The following ACOT8 variants were observed in gnomAD, a reference collection of about 807,000 sequenced individuals.
ACOT8 encodes acyl-coenzyme A thioesterase 8.
In ACOT8, 31 loss-of-function variants were observed where a neutral mutation model predicts 38.4. That is an observed-to-expected ratio of 0.81 (90% CI 0.61 to 1.09). The LOEUF is 1.09. Among genes scored for constraint, ACOT8 ranks in the 50% least tolerant of loss-of-function variants. ACOT8 has a pLI of 0.00. For missense variants in ACOT8, 373 were observed against 421.8 expected, an observed-to-expected ratio of 0.88 and a Z score of 1.01; for synonymous variants, 158 against 170.3, an observed-to-expected ratio of 0.93 and a Z score of 0.56.
At chr20:45,850,297 C>T (rs886886377) in intron 2 of ACOT8, among the ~76,000 whole-genome samples, 16 of 152,316 alleles carry the variant, frequency 1.1e-4, no homozygotes, top group African/African-American at 3.6e-4. Context: ...ACATATTTGG[C>T]TTTCTCCGGT....
At chr20:45,850,026 T>G (rs886518898) in intron 2 of ACOT8, among the ~76,000 whole-genome samples, 1 of 152,036 alleles carries the variant, frequency 6.6e-6, no homozygotes, top group African/African-American at 2.4e-5. Flanking sequence ...CTGGCCAACA[T>G]GGCAAAACCC....
At chr20:45,853,991 G>T in intron 2 of ACOT8, 4 of 1,301,662 alleles carry the variant, frequency 3.1e-6, no homozygotes, top group Non-Finnish European at 4.0e-6. Flanking sequence ...TGCTCTGGGG[G>T]TAACAGGGAA....
rs1219708591 is a variant in ACOT8 at position 45,843,367 on chromosome 20, C to A, written c.841+160G>T. ...GAGCAGAGCAGGTGTCCCGGCCTCA[C>A]CCTCTCATTTTGAAGATGAAGATGC... On this transcript the variant is annotated intron_variant, in intron 5 of 5. Transcript: ENST00000217455. 1.6e-5 allele frequency: 15 copies of A among 962,852 alleles called. No individual in the cohort carries two copies. In the South Asian group the frequency reaches 2.1e-4, roughly 13 times the overall value. The allele number at this position is 962,852 out of a possible 1,614,324, so 59.6% of individuals were successfully genotyped here. A position where few individuals can be genotyped will look rare whatever the true frequency, so the allele number is the denominator to read the frequency against.
chr20:45,842,718 C>T (rs1984326654), intron 5 of ACOT8: 1 of 989,216 alleles, frequency 1.0e-6, no homozygotes, highest in Non-Finnish European at 1.2e-6. Flanking sequence ...CAGACCAGGA[C>T]TGAAATCCAG....
At chr20:45,855,336 C>T (rs760314214) in intron 1 of ACOT8, 44 bp from the exon 2 acceptor site, 2 of 1,607,892 alleles carry the variant, frequency 1.2e-6, no homozygotes, top group Non-Finnish European at 1.7e-6. Flanking sequence ...GGAACTGGGC[C>T]AAATTCTACT....
intron 2 of ACOT8, among the ~76,000 whole-genome samples, chr20:45,851,464 T>C (rs74174979): frequency 6.6e-6 from 1 of 152,242 alleles, no homozygotes; most frequent in African/African-American, 2.4e-5. Context: ...TACTCTGGTC[T>C]ACCTTTCAGT....
intron 2 of ACOT8, among the ~76,000 whole-genome samples, chr20:45,849,529 C>A (rs568163638): frequency 2.6e-5 from 4 of 151,590 alleles, no homozygotes; most frequent in Admixed American, 6.6e-5. Context: ...GGGCTCACTG[C>A]AACCTCTGCC....
In ACOT8 at chr20:45,843,879, A is replaced by G. The variant is rs1193818723; in HGVS notation, c.647-158T>C. 6 of 1,396,458 alleles carry G rather than the reference A, an allele frequency of 4.3e-6. No homozygotes were observed. The Admixed American group carries it at 1.6e-4, about 38-fold the overall frequency. The allele number at this position is 1,396,458 out of a possible 1,614,324, so 86.5% of individuals were successfully genotyped here. A position where few individuals can be genotyped will look rare whatever the true frequency, so the allele number is the denominator to read the frequency against. On this transcript the variant is annotated intron_variant, in intron 4 of 5. Coordinates refer to ENST00000217455, the MANE Select transcript of ACOT8 (RefSeq NM_005469.4). ...GTGTGTGTGTGATAGGGGAGAAGTG[A>G]GATGGCGACTTGGGGAGGGCAGGGG...
At position 45,841,769 on chromosome 20, in the gene ACOT8, T is replaced by C; in HGVS notation, c.*69A>G. 6.7e-7 allele frequency: 1 copy of C among 1,495,050 alleles called. No homozygotes were observed. The highest frequency in any genetic ancestry group is 2.3e-5 in the East Asian group (1 of 42,760). 92.6% of individuals were successfully genotyped at this position (1,495,050 alleles called of 1,614,324 possible). ...TGGATGTGAGGGCCAAAAGGGACTG[T>C]AACTCCTGTCTCAGGAATGGGGATA... On this transcript the variant is annotated 3_prime_UTR_variant, in exon 6 of 6. Transcript: ENST00000217455.
Position 45,843,524 on chromosome 20 carries a change from C to T in ACOT8, c.841+3G>A, listed in dbSNP as rs55931834. ...CCCTTGTCCCACACGGCCCCACACTCACCGGCCCAGGGGCTCTCGCATTCA... is the reference window on the plus strand; with the variant it reads ...CCCTTGTCCCACACGGCCCCACACTTACCGGCCCAGGGGCTCTCGCATTCA... On this transcript the variant is annotated splice_donor_region_variant and intron_variant, in intron 5 of 5. Coordinates refer to ENST00000217455, the MANE Select transcript of ACOT8 (RefSeq NM_005469.4). 614,957 of 1,606,098 alleles carry T rather than the reference C, an allele frequency of 0.38. 128,899 individuals are homozygous for T. The highest frequency in any genetic ancestry group is 0.43 in the Non-Finnish European group (509,066 of 1,174,706).
At chr20:45,857,148 G>A (rs1329683745) in intron 1 of ACOT8, 40 bp downstream of exon 1, 1 of 1,594,242 alleles carries the variant, frequency 6.3e-7, no homozygotes, top group Non-Finnish European at 8.6e-7. Flanking sequence ...TCAAGTTTCT[G>A]CCCTAAAGGA....
chr20:45,854,107 C>G, intron 2 of ACOT8: 1 of 606,868 alleles, frequency 1.6e-6, no homozygotes, highest in East Asian at 6.8e-5. Context: ...GATTTATTGC[C>G]CTGGCTGGTC....
chr20:45,844,231 G>C, intron 4 of ACOT8, 32 bp downstream of exon 4: 1 of 1,613,978 alleles, frequency 6.2e-7, no homozygotes, highest in Non-Finnish European at 8.5e-7. Flanking sequence ...CCCTTGGAGA[G>C]TGGTTTCCTC....
At chr20:45,849,493 G>A (rs1027705177) in intron 2 of ACOT8, among the ~76,000 whole-genome samples, 2 of 148,146 alleles carry the variant, frequency 1.4e-5, no homozygotes, top group Middle Eastern at 3.4e-3. Context: ...CTGGGTCACC[G>A]AGGCTGAAGT....
At chr20:45,852,751 A>T (rs182392797) in intron 2 of ACOT8, among the ~76,000 whole-genome samples, 1 of 152,064 alleles carries the variant, frequency 6.6e-6, no homozygotes, top group South Asian at 2.1e-4. Flanking sequence ...CAAGGGCACA[A>T]ATAATTATTT....
intron 1 of ACOT8, 116 bp from the exon 2 acceptor site, chr20:45,855,408 G>T: frequency 1.4e-6 from 2 of 1,379,844 alleles, no homozygotes; most frequent in Non-Finnish European, 2.0e-6. Context: ...ATCCTTTTGA[G>T]AATATGGTAA....
chr20:45,844,387 C>G lies in ACOT8; in HGVS notation c.522G>C (p.Ala174=), dbSNP rs149898848. 1.9e-5 allele frequency: 31 copies of G among 1,614,006 alleles called. No homozygotes were observed. In the African/African-American group the frequency reaches 3.6e-4, roughly 19 times the overall value. ...CCTCCTGAGCAGCAATTCGGTTGAG[C>G]GCCAATGGGTACCTCTTTTGGAGGT... is the stretch of plus-strand genomic sequence containing the variant. ...DPNLQKRYPL[A]LNRIAAQEVP... The change falls in exon 4 of 6, where the codon GCG becomes GCC. Residue 174 remains alanine (A), a synonymous_variant. Coordinates refer to ENST00000217455, the MANE Select transcript of ACOT8 (RefSeq NM_005469.4).
At chr20:45,846,178 C>G (rs999065743) in intron 3 of ACOT8, among the ~76,000 whole-genome samples, 1 of 152,178 alleles carries the variant, frequency 6.6e-6, no homozygotes, top group African/African-American at 2.4e-5. Context: ...CCACGAGTGG[C>G]TAGAGACTAC....
chr20:45,845,764 A>G (rs1407396582), intron 3 of ACOT8, among the ~76,000 whole-genome samples: 1 of 152,016 alleles, frequency 6.6e-6, no homozygotes, highest in African/African-American at 2.4e-5. Flanking sequence ...ACATGTGACT[A>G]TGGAGCACCT....
Sources: gnomAD v4.1 joint callset for allele counts (sites outside exome capture counted in the v4.1 genomes callset) on GRCh38, gnomAD v4.1.1 for gene constraint, MANE v1.5 for transcripts, NCBI Gene and HGNC (gene_info 2026-07-23, HGNC 2026-07-21) for gene names.